Variants in STXBP5L observed in about 807,000 individuals in gnomAD.
STXBP5L encodes syntaxin-binding protein 5-like.
STXBP5L carries 65 observed loss-of-function variants against 144.5 expected under a neutral mutation model. The ratio of observed to expected loss-of-function variants is 0.45; its 90% CI spans 0.37 to 0.55. The LOEUF (loss-of-function observed/expected upper bound fraction) is 0.55, where lower values mean the gene tolerates loss of function less well. STXBP5L is among the 20% of genes least tolerant of loss of function. The pLI is 0.00. For missense variants in STXBP5L, 1,298 were observed against 1,405.5 expected, an observed-to-expected ratio of 0.92 and a Z score of 1.22; for synonymous variants, 505 against 469.6, an observed-to-expected ratio of 1.08 and a Z score of -0.97.
intron 23 of STXBP5L, among the ~76,000 whole-genome samples, chr3:121,412,436 C>A (rs2047133641): frequency 6.6e-6 from 1 of 152,088 alleles, no homozygotes; most frequent in African/African-American, 2.4e-5. Context: ...AGACACTACT[C>A]TTTGTAACCC....
At chr3:121,067,553 T>A (rs1429373478) in intron 5 of STXBP5L, among the ~76,000 whole-genome samples, 2 of 152,170 alleles carry the variant, frequency 1.3e-5, no homozygotes, top group African/African-American at 4.8e-5. Flanking sequence ...TGGACAATTT[T>A]AGTAAATGTG....
intron 3 of STXBP5L, among the ~76,000 whole-genome samples, chr3:120,977,480 G>A (rs1941201061): frequency 6.6e-6 from 1 of 152,032 alleles, no homozygotes; most frequent in Non-Finnish European, 1.5e-5. Flanking sequence ...CACACTGATG[G>A]GTCTTGACTG....
chr3:121,111,920 A>G (rs1263714584), intron 5 of STXBP5L, among the ~76,000 whole-genome samples: 1 of 152,044 alleles, frequency 6.6e-6, no homozygotes, highest in African/African-American at 2.4e-5. Flanking sequence ...GTAAATCCCT[A>G]GCTGGAGTTT....
At chr3:121,058,966 C>T (rs912775812) in intron 5 of STXBP5L, among the ~76,000 whole-genome samples, 2 of 152,164 alleles carry the variant, frequency 1.3e-5, no homozygotes, top group East Asian at 1.9e-4. Flanking sequence ...TGCAGAATCT[C>T]TTTAGTTTAA....
intron 19 of STXBP5L, among the ~76,000 whole-genome samples, 153 bp downstream of exon 19, chr3:121,280,109 C>T (rs956643767): frequency 6.6e-6 from 1 of 151,684 alleles, no homozygotes; most frequent in African/African-American, 2.4e-5. Context: ...ATAAATTGGG[C>T]AGAAACATTG....
intron 20 of STXBP5L, among the ~76,000 whole-genome samples, chr3:121,338,878 C>A (rs755676006): frequency 6.6e-6 from 1 of 152,146 alleles, no homozygotes; most frequent in Non-Finnish European, 1.5e-5. Context: ...AGACCAACAA[C>A]AAGCAGTGAG....
intron 9 of STXBP5L, among the ~76,000 whole-genome samples, chr3:121,167,832 T>G (rs2046556981): frequency 6.6e-6 from 1 of 152,164 alleles, no homozygotes; most frequent in East Asian, 1.9e-4. Context: ...CGAGCTCTGC[T>G]AAGGGTCAGA....
intron 19 of STXBP5L, among the ~76,000 whole-genome samples, chr3:121,316,863 C>T (rs972515392): frequency 4.6e-5 from 7 of 152,130 alleles, no homozygotes; most frequent in African/African-American, 9.7e-5. Context: ...TGTTGTTCCA[C>T]GTTACTTTTC....
At chr3:121,231,948 G>A (rs571433022) in intron 11 of STXBP5L, among the ~76,000 whole-genome samples, 1 of 152,282 alleles carries the variant, frequency 6.6e-6, no homozygotes, top group Admixed American at 6.5e-5. Context: ...GGAGCAAACA[G>A]ACAAGGCTCA....
intron 19 of STXBP5L, among the ~76,000 whole-genome samples, chr3:121,305,981 C>T (rs56268790): frequency 0.014 from 2,205 of 152,174 alleles, 54 homozygotes; most frequent in African/African-American, 0.05. Context: ...ATATAAATAA[C>T]AGCAAACAAT....
chr3:121,333,994 G>T (rs1447014422), intron 20 of STXBP5L, among the ~76,000 whole-genome samples: 1 of 152,000 alleles, frequency 6.6e-6, no homozygotes, highest in Non-Finnish European at 1.5e-5. Flanking sequence ...TTGAATCATG[G>T]CAGCAGTATC....
intron 5 of STXBP5L, among the ~76,000 whole-genome samples, chr3:121,114,674 G>A (rs2044153795): frequency 6.6e-6 from 1 of 152,050 alleles, no homozygotes; most frequent in South Asian, 2.1e-4. Flanking sequence ...CTGTCTTGCT[G>A]TTTTCAGAAT....
chr3:121,055,128 A>G (rs1223373336), intron 5 of STXBP5L, among the ~76,000 whole-genome samples: 1 of 152,210 alleles, frequency 6.6e-6, no homozygotes, highest in Non-Finnish European at 1.5e-5. Context: ...TGCTTACATT[A>G]AAGATAAATG....
chr3:121,289,221 A>C (rs774186781), intron 19 of STXBP5L, among the ~76,000 whole-genome samples: 3 of 152,138 alleles, frequency 2.0e-5, no homozygotes, highest in Non-Finnish European at 4.4e-5. Context: ...TATCAGACAA[A>C]ACAGACTTTA....
chr3:121,354,546 G>A (rs951669407), intron 20 of STXBP5L, among the ~76,000 whole-genome samples: 65 of 59,520 alleles, frequency 1.1e-3, no homozygotes, highest in Non-Finnish European at 1.7e-3. Flanking sequence ...CATGTGCTTT[G>A]TAGATCTTCC....
At chr3:121,376,373 G>A (rs1277379964) in intron 20 of STXBP5L, among the ~76,000 whole-genome samples, 1 of 152,068 alleles carries the variant, frequency 6.6e-6, no homozygotes, top group African/African-American at 2.4e-5. Context: ...TAGGCTTTAG[G>A]TTTGAGTCTT....
chr3:121,182,024 A>G (rs1036592090), intron 9 of STXBP5L, among the ~76,000 whole-genome samples: 1 of 152,190 alleles, frequency 6.6e-6, no homozygotes, highest in Non-Finnish European at 1.5e-5. Context: ...AATTTATGAA[A>G]CAATTACTAC....
intron 5 of STXBP5L, among the ~76,000 whole-genome samples, chr3:121,070,256 A>AT (rs1486001612): frequency 2.6e-5 from 4 of 152,242 alleles, no homozygotes; most frequent in African/African-American, 9.6e-5. Flanking sequence ...GCATTACGAC[A>AT]TTTCTTACAT....
intron 9 of STXBP5L, among the ~76,000 whole-genome samples, chr3:121,191,322 G>A (rs546596884): frequency 1.8e-3 from 269 of 152,282 alleles, no homozygotes; most frequent in Non-Finnish European, 3.1e-3. Flanking sequence ...CAGATCACTC[G>A]CGGTCAGGAG....
Sources: allele counts gnomAD v4.1 joint callset (sites outside exome capture counted in the v4.1 genomes callset), GRCh38; gene constraint gnomAD v4.1.1; transcripts MANE v1.5; gene names NCBI Gene and HGNC (gene_info 2026-07-23, HGNC 2026-07-21).